Variants in CLCN6 observed in about 807,000 individuals in gnomAD.
CLCN6 encodes H(+)/Cl(-) exchange transporter 6.
In CLCN6, 70 loss-of-function variants were observed where a neutral mutation model predicts 109.8. The ratio of observed to expected loss-of-function variants is 0.64; its 90% CI spans 0.53 to 0.78. The LOEUF is 0.78. Ranked by LOEUF, CLCN6 falls within the 30% of genes least tolerant of loss-of-function variation. The pLI is 0.00. For synonymous variants in CLCN6, 444 were observed against 447.8 expected (o/e 0.99, Z 0.11); for missense variants, 984 against 1,142.3 (o/e 0.86, Z 2.00).
At position 11,834,603 on chromosome 1, in the gene CLCN6, T is replaced by C; in HGVS notation, c.1793+13T>C. 6.2e-7 allele frequency: 1 copy of C among 1,607,918 alleles called. No homozygotes were observed. The highest frequency in any genetic ancestry group is 2.2e-5 in the East Asian group (1 of 44,842). On this transcript the variant is annotated intron_variant, in intron 17 of 22. Transcript: ENST00000346436. This position sits in a 1 kb window ranked among gnomAD's most constrained non-coding sequence, Gnocchi z 4.5. ...TGGAAATGGACAAGTAAGGCCATGATTTTGCTCATGTCCTAGTTTCAGAAT... is the reference window on the plus strand; with the variant it reads ...TGGAAATGGACAAGTAAGGCCATGACTTTGCTCATGTCCTAGTTTCAGAAT...
At chr1:11,819,434 A>G (rs1644713488) in intron 4 of CLCN6, 54 bp from the exon 5 acceptor site, 3 of 1,523,082 alleles carry the variant, frequency 2.0e-6, no homozygotes. Flanking sequence ...CCTGTACTAT[A>G]CTTGTGCTAC....
At chr1:11,831,247 C>T (rs1392480156) in intron 13 of CLCN6, among the ~76,000 whole-genome samples, 1 of 151,854 alleles carries the variant, frequency 6.6e-6, no homozygotes, top group East Asian at 1.9e-4. Flanking sequence ...AACTCCACCT[C>T]CTGGGTTCAA....
intron 8 of CLCN6, 25 bp downstream of exon 8, chr1:11,824,578 GCCTCTGGGC>G (rs750367442): frequency 1.8e-5 from 29 of 1,603,068 alleles, no homozygotes; most frequent in Non-Finnish European, 2.4e-5. Flanking sequence ...GAGGGTGTGG[GCCTCTGGGC>G]AGGCCTAGTG....
rs895892545 is a variant in CLCN6 at position 11,816,633 on chromosome 1, G to A, written c.232G>A (p.Ala78Thr). The change falls in exon 4 of 23, where the codon GCG (alanine) becomes ACG (threonine). Residue 78 changes from alanine (A) to threonine (T), a missense_variant. Coordinates refer to ENST00000346436, the MANE Select transcript of CLCN6 (RefSeq NM_001286.5). ...MDNKKGRRYEAVKWMVVFAIG... is the reference protein window; with the variant it reads ...MDNKKGRRYETVKWMVVFAIG... ...TGAACAGAAAGGTCGAAGATATGAG[G>A]CGGTGAAGTGGATGGTGGTGTTTGC... The A allele has an allele frequency of 1.9e-6, 3 of 1,613,270 alleles. No individual in the cohort carries two copies. Among genetic ancestry groups the A allele is most frequent in the Non-Finnish European group, 2.5e-6 (3 of 1,179,626 alleles).
intron 7 of CLCN6, 82 bp from the exon 8 acceptor site, chr1:11,824,404 G>A: frequency 9.4e-7 from 1 of 1,065,544 alleles, no homozygotes; most frequent in Non-Finnish European, 1.4e-6. Flanking sequence ...GTTGTCACGA[G>A]GAAGGTTTTT....
chr1:11,808,423 C>G (rs1262483595), intron 2 of CLCN6, among the ~76,000 whole-genome samples: 12 of 152,074 alleles, frequency 7.9e-5, no homozygotes, highest in Admixed American at 6.6e-5. Flanking sequence ...GAAAGAAATT[C>G]TGTACATCAT....
At chr1:11,822,262 T>C (rs1201504099) in intron 5 of CLCN6, among the ~76,000 whole-genome samples, 1 of 152,186 alleles carries the variant, frequency 6.6e-6, no homozygotes, top group Non-Finnish European at 1.5e-5. Flanking sequence ...TCAAACAATT[T>C]TTTCTTTTTT....
At position 11,823,795 on chromosome 1, in the gene CLCN6, T is replaced by C. The variant is rs1212054171; in HGVS notation, c.542T>C (p.Leu181Pro). 6.2e-7 allele frequency: 1 copy of C among 1,614,134 alleles called. No homozygotes were observed. The highest frequency in any genetic ancestry group is 2.2e-5 in the East Asian group (1 of 44,904). Residue 181 changes from leucine to proline, a missense_variant, in exon 7 of 23, where the codon CTC (leucine) becomes CCC (proline). Transcript: ENST00000346436. ...VPGIVRLRTL[L>P]CKVLGVLFSV... ...GGAATCGTCCGTCTCCGGACCCTGCTCTGCAAGGTCCTTGGAGTGCTGTTC... is the reference window on the plus strand; with the variant it reads ...GGAATCGTCCGTCTCCGGACCCTGCCCTGCAAGGTCCTTGGAGTGCTGTTC...
In CLCN6 at chr1:11,831,059, C is replaced by A. The variant is rs564015596; in HGVS notation, c.1248+1737C>A. On this transcript the variant is annotated intron_variant, in intron 13 of 22. Coordinates refer to ENST00000346436, the MANE Select transcript of CLCN6 (RefSeq NM_001286.5). The stretch of plus-strand genomic sequence containing the variant: ...TGTTGGCCAGGCTGGTCTCGAACTC[C>A]TGACCTCAAGTGATCCACCCATCTC... Among the ~76,000 whole-genome samples, 5 of 152,154 alleles carry A rather than the reference C, an allele frequency of 3.3e-5. No individual in the cohort carries two copies. The South Asian group carries it at 8.3e-4, about 25-fold the overall frequency.
intron 4 of CLCN6, among the ~76,000 whole-genome samples, chr1:11,818,332 A>T (rs527845344): frequency 6.6e-6 from 1 of 151,752 alleles, no homozygotes; most frequent in African/African-American, 2.4e-5. Flanking sequence ...GAATGCTGAC[A>T]CGATTCTCAG....
intron 11 of CLCN6, 64 bp downstream of exon 11, chr1:11,828,283 G>A (rs1644837706): frequency 1.3e-6 from 2 of 1,496,038 alleles, no homozygotes; most frequent in Admixed American, 3.4e-5. Flanking sequence ...CTCAAGTGAA[G>A]GACCAGAGAG....
intron 13 of CLCN6, among the ~76,000 whole-genome samples, chr1:11,832,648 A>C (rs1325892074): frequency 2.0e-5 from 3 of 152,248 alleles, no homozygotes; most frequent in African/African-American, 4.8e-5. Flanking sequence ...GCACGTCCAC[A>C]TAATGGCATC....
intron 12 of CLCN6, 142 bp downstream of exon 12, chr1:11,828,766 C>T: frequency 2.1e-6 from 2 of 930,724 alleles, no homozygotes; most frequent in Non-Finnish European, 3.2e-6. Flanking sequence ...CACGGCCATG[C>T]ATCTTCCCTA....
chr1:11,810,464 C>G (rs1381155036), intron 2 of CLCN6, among the ~76,000 whole-genome samples: 1 of 152,146 alleles, frequency 6.6e-6, no homozygotes, highest in African/African-American at 2.4e-5. Flanking sequence ...AGCTCACAAC[C>G]AGTTGAAGGT....
At position 11,842,715 on chromosome 1, in the gene CLCN6, C is replaced by T. The variant is rs1645040889; in HGVS notation, c.*2492C>T. On this transcript the variant is annotated 3_prime_UTR_variant, in exon 23 of 23. Transcript: ENST00000346436. ...GGGGCCAATGGGCCCCCGGCCCTGGCTTTGGGACCTTGTGCTGAGGGATGA... is the reference window on the plus strand; with the variant it reads ...GGGGCCAATGGGCCCCCGGCCCTGGTTTTGGGACCTTGTGCTGAGGGATGA... 1 of 152,298 alleles carries T rather than the reference C, an allele frequency of 6.6e-6. No homozygotes were observed. The highest frequency in any genetic ancestry group is 1.5e-5 in the Non-Finnish European group (1 of 68,064). 9.4% of individuals were successfully genotyped at this position (152,298 alleles called of 1,614,324 possible).
At chr1:11,811,904 C>T (rs1644603882) in intron 2 of CLCN6, among the ~76,000 whole-genome samples, 2 of 152,058 alleles carry the variant, frequency 1.3e-5, no homozygotes, top group South Asian at 4.1e-4. Context: ...AATTTCCATA[C>T]ATATTTTGGA....
chr1:11,828,348 CT>C (rs1489945317), intron 11 of CLCN6, 109 bp from the exon 12 acceptor site: 3 of 1,469,562 alleles, frequency 2.0e-6, no homozygotes, highest in Non-Finnish European at 2.9e-6. Context: ...CCATTAGCCT[CT>C]GCCGTGCGGG....
chr1:11,834,436 A>G lies in CLCN6; in HGVS notation c.1686+41A>G, dbSNP rs1490858290. 1.2e-6 allele frequency: 2 copies of G among 1,613,046 alleles called. No individual in the cohort carries two copies. The highest frequency in any genetic ancestry group is 1.3e-5 in the African/African-American group (1 of 74,882). ...CCAGGCCCCTGTCAGGCTCAGGGCC[A>G]CGTCCGCCCCACAGGACCTATTTTT... On this transcript the variant is annotated intron_variant, in intron 16 of 22. Transcript: ENST00000346436. This position sits in a 1 kb window ranked among gnomAD's most constrained non-coding sequence, Gnocchi z 4.5.
At chr1:11,822,874 C>A (rs12739338) in intron 6 of CLCN6, 73 bp downstream of exon 6, 1 of 937,090 alleles carries the variant, frequency 1.1e-6, no homozygotes, top group Non-Finnish European at 1.7e-6. Context: ...CACCTCCTTC[C>A]AGAATGTCAG....
Sources: allele counts gnomAD v4.1 joint callset (sites outside exome capture counted in the v4.1 genomes callset), GRCh38; gene constraint gnomAD v4.1.1; non-coding constraint Gnocchi (gnomAD v3.1); transcripts MANE v1.5; gene names NCBI Gene and HGNC (gene_info 2026-07-23, HGNC 2026-07-21).